The following GPM6A variants were observed in gnomAD, a reference collection of about 807,000 sequenced individuals.
GPM6A encodes neuronal membrane glycoprotein M6-a.
In GPM6A, 7 loss-of-function variants were observed where a neutral mutation model predicts 32.1. The observed-to-expected ratio is 0.22, with a 90% CI of 0.12 to 0.41. GPM6A has a LOEUF of 0.41. Among genes scored for constraint, GPM6A ranks in the 10% least tolerant of loss-of-function variants. The probability of loss-of-function intolerance (pLI) is 1.00; values close to 1 mark genes in which losing one functional copy is unlikely to be tolerated. For synonymous variants in GPM6A, 130 were observed against 123.4 expected (o/e 1.05, Z -0.35); for missense variants, 235 against 347.2 (o/e 0.68, Z 2.57).
intron 2 of GPM6A, among the ~76,000 whole-genome samples, chr4:175,681,225 A>G (rs1395481337): frequency 6.6e-6 from 1 of 152,210 alleles, no homozygotes; most frequent in African/African-American, 2.4e-5. Flanking sequence ...GCAGTATATT[A>G]GAATGTCTGT....
At chr4:175,956,251 T>C (rs1048399967) in intron 1 of GPM6A, among the ~76,000 whole-genome samples, 4 of 152,198 alleles carry the variant, frequency 2.6e-5, no homozygotes, top group East Asian at 1.9e-4. Flanking sequence ...TTTTATCCTA[T>C]GGACAACAGA....
At chr4:175,742,344 G>T (rs368584246) in intron 1 of GPM6A, among the ~76,000 whole-genome samples, 1 of 151,944 alleles carries the variant, frequency 6.6e-6, no homozygotes, top group Non-Finnish European at 1.5e-5. Flanking sequence ...AAAATGGCTC[G>T]CCTGCTTAAA....
chr4:175,783,111 A>G (rs2111257218), intron 1 of GPM6A, among the ~76,000 whole-genome samples: 1 of 152,122 alleles, frequency 6.6e-6, no homozygotes, highest in Admixed American at 6.5e-5. Context: ...AAATGTTTTG[A>G]ATTAACTTTT....
At chr4:175,729,792 TC>T (rs1030177171) in intron 1 of GPM6A, among the ~76,000 whole-genome samples, 2 of 133,424 alleles carry the variant, frequency 1.5e-5, no homozygotes, top group East Asian at 2.1e-4. Flanking sequence ...TAATATATTA[TC>T]TATTATATTA....
At chr4:175,652,035 A>G (rs1191374783) in intron 3 of GPM6A, 48 bp from the exon 4 acceptor site, 1 of 1,500,856 alleles carries the variant, frequency 6.7e-7, no homozygotes, top group African/African-American at 1.4e-5. Flanking sequence ...CTACCAAAAA[A>G]GAAGAATTTT....
upstream of GPM6A, among the ~76,000 whole-genome samples, chr4:175,816,772 T>C (rs577942733): frequency 3.9e-4 from 59 of 152,350 alleles, no homozygotes; most frequent in Admixed American, 7.2e-4. Context: ...GATCTTCTTA[T>C]ATTTTGACAG....
chr4:175,908,033 A>G (rs1281160534), intron 1 of GPM6A, among the ~76,000 whole-genome samples: 1 of 152,168 alleles, frequency 6.6e-6, no homozygotes, highest in East Asian at 1.9e-4. Flanking sequence ...GAATAAGTGA[A>G]TGTAAAGACT....
At chr4:175,939,979 A>T (rs569131089) in intron 1 of GPM6A, among the ~76,000 whole-genome samples, 1 of 152,328 alleles carries the variant, frequency 6.6e-6, no homozygotes, top group South Asian at 2.1e-4. Flanking sequence ...GAAGATCTTA[A>T]CATGCCAGTT....
intron 1 of GPM6A, among the ~76,000 whole-genome samples, chr4:175,874,070 A>G (rs1737002285): frequency 6.6e-6 from 1 of 152,210 alleles, no homozygotes; most frequent in African/African-American, 2.4e-5. Context: ...AGCTAGTGTA[A>G]AAAGAAAATG....
At chr4:175,715,934 A>C (rs565833538) in intron 1 of GPM6A, among the ~76,000 whole-genome samples, 4 of 152,108 alleles carry the variant, frequency 2.6e-5, no homozygotes, top group African/African-American at 9.7e-5. Context: ...GTGTGGTGGC[A>C]CATGCCTGTA....
Position 175,649,065 on chromosome 4 carries a change from G to A in GPM6A, c.541+2769C>T, listed in dbSNP as rs189036020. ...TAAAAATTGTATTGGAAAAGCTGTC[G>A]AGTAGAAAATAATTGTGCTAAGATT... On this transcript the variant is annotated intron_variant, in intron 4 of 6. Coordinates refer to ENST00000393658, the MANE Select transcript of GPM6A (RefSeq NM_201591.3). Among the ~76,000 whole-genome samples the A allele has an allele frequency of 4.7e-4, 72 of 152,254 alleles. 2 individuals are homozygous for A. In the East Asian group the frequency reaches 0.013, roughly 28 times the overall value.
At chr4:175,856,972 G>A (rs1171108639) in intron 1 of GPM6A, among the ~76,000 whole-genome samples, 5 of 152,140 alleles carry the variant, frequency 3.3e-5, no homozygotes, top group African/African-American at 7.2e-5. Context: ...TTTAGGGCCT[G>A]AGGTCCAGGC....
chr4:175,653,992 T>TC (rs1323432296), intron 3 of GPM6A, among the ~76,000 whole-genome samples: 1 of 152,076 alleles, frequency 6.6e-6, no homozygotes, highest in Non-Finnish European at 1.5e-5. Flanking sequence ...CTCAAAGCCT[T>TC]CCCTACCCTA....
At chr4:175,640,971 T>C in intron 4 of GPM6A, 142 bp from the exon 5 acceptor site, 1 of 620,582 alleles carries the variant, frequency 1.6e-6, no homozygotes. Context: ...AATCTAGCTT[T>C]CATTGTGGAT....
At chr4:175,974,059 C>A (rs1223243262) in intron 1 of GPM6A, among the ~76,000 whole-genome samples, 2 of 151,930 alleles carry the variant, frequency 1.3e-5, no homozygotes, top group African/African-American at 4.8e-5. Context: ...ACAGTGAAAC[C>A]CCATCTCTAC....
At chr4:175,812,393 G>A (rs1387293857), upstream of GPM6A, 11 of 1,320,946 alleles carry the variant, frequency 8.3e-6, no homozygotes, top group African/African-American at 1.7e-5. Context: ...GCTTAGCTCA[G>A]GCTCCCTCGT....
chr4:175,939,547 C>T (rs1220313317), intron 1 of GPM6A, among the ~76,000 whole-genome samples: 1 of 152,120 alleles, frequency 6.6e-6, no homozygotes, highest in South Asian at 2.1e-4. Flanking sequence ...AGAGGCCACT[C>T]TTCACCAATT....
chr4:175,885,827 C>T (rs1737434774), intron 1 of GPM6A, among the ~76,000 whole-genome samples: 1 of 152,118 alleles, frequency 6.6e-6, no homozygotes, highest in African/African-American at 2.4e-5. Flanking sequence ...GTAATTATTA[C>T]ACTTAGGATT....
At chr4:175,678,182 G>T (rs1044349893) in intron 2 of GPM6A, among the ~76,000 whole-genome samples, 1 of 152,120 alleles carries the variant, frequency 6.6e-6, no homozygotes, top group Non-Finnish European at 1.5e-5. Context: ...AACATCTGGA[G>T]GAGAACTGTC....
Sources: gnomAD v4.1 joint callset for allele counts (sites outside exome capture counted in the v4.1 genomes callset) on GRCh38, gnomAD v4.1.1 for gene constraint, MANE v1.5 for transcripts, NCBI Gene and HGNC (gene_info 2026-07-23, HGNC 2026-07-21) for gene names.